Variants in PLXNA4 observed in about 807,000 individuals in gnomAD.
The protein encoded by PLXNA4 is plexin A4.
In PLXNA4, 44 loss-of-function variants were observed where a neutral mutation model predicts 191.8. The ratio of observed to expected loss-of-function variants is 0.23; its 90% CI spans 0.18 to 0.29. The LOEUF (loss-of-function observed/expected upper bound fraction) is 0.29. Among genes scored for constraint, PLXNA4 ranks in the 10% least tolerant of loss-of-function variants. The pLI, the probability that PLXNA4 is intolerant of heterozygous loss-of-function variation, is 1.00. For missense variants in PLXNA4, 1,800 were observed against 2,488.8 expected (o/e 0.72, Z 5.89); for synonymous variants, 1,082 against 1,009.5 (o/e 1.07, Z -1.36).
chr7:132,286,371 G>A (rs2116431128), intron 4 of PLXNA4, among the ~76,000 whole-genome samples: 1 of 152,294 alleles, frequency 6.6e-6, no homozygotes, highest in South Asian at 2.1e-4. Context: ...GATGATTATA[G>A]GTGGTTGTCT....
At chr7:132,619,271 T>A (rs1803214513) in intron 2 of PLXNA4, among the ~76,000 whole-genome samples, 1 of 152,214 alleles carries the variant, frequency 6.6e-6, no homozygotes, top group Non-Finnish European at 1.5e-5. Flanking sequence ...AAGAGATATT[T>A]TAAATTCCAC....
intron 3 of PLXNA4, among the ~76,000 whole-genome samples, chr7:132,483,917 C>T (rs1267913646): frequency 6.6e-6 from 1 of 151,786 alleles, no homozygotes; most frequent in Non-Finnish European, 1.5e-5. Flanking sequence ...AGAAATTTCA[C>T]GATGAGAACA....
rs1796811439 is a variant in PLXNA4, at chr7:132,468,889, CTG to C, written c.1371+20401_1371+20402del. ...AGCTCAATCTTATAAGTATAGAAGT[CTG>C]GGGTGAGCGTCTAGGAATTTCAACA... is the stretch of plus-strand genomic sequence containing the variant. On this transcript the variant is annotated intron_variant, in intron 3 of 31. Coordinates refer to ENST00000321063, the MANE Select transcript of PLXNA4 (RefSeq NM_020911.2). 2.0e-5 allele frequency among the ~76,000 whole-genome samples: 3 copies of C among 152,140 alleles called. No individual in the cohort carries two copies. The South Asian group carries it at 6.2e-4, about 32-fold the overall frequency.
At chr7:132,193,243 C>T (rs1263816426) in intron 14 of PLXNA4, among the ~76,000 whole-genome samples, 2 of 152,142 alleles carry the variant, frequency 1.3e-5, no homozygotes, top group Non-Finnish European at 2.9e-5. Flanking sequence ...AAGGCAGTTC[C>T]ACCCTCTCCC....
At chr7:132,554,878 G>T (rs893185198) in intron 1 of PLXNA4, among the ~76,000 whole-genome samples, 1 of 152,078 alleles carries the variant, frequency 6.6e-6, no homozygotes. Flanking sequence ...TTCTGACTTC[G>T]TTGCAGGCAA....
intron 15 of PLXNA4, among the ~76,000 whole-genome samples, chr7:132,186,247 C>T (rs1224892910): frequency 1.3e-5 from 2 of 152,226 alleles, no homozygotes; most frequent in Non-Finnish European, 2.9e-5. Context: ...TGGGGCTGCA[C>T]AGTAGGACCA....
chr7:132,356,482 C>T lies in PLXNA4; in HGVS notation c.1372-58260G>A, dbSNP rs1474069180. On this transcript the variant is annotated intron_variant, in intron 3 of 31. Coordinates refer to ENST00000321063, the MANE Select transcript of PLXNA4 (RefSeq NM_020911.2). ...CATGTTTTGAAGATTCCCATATTCT[C>T]ACTCCTGTGCTGAAAAAACAGCGCC... 2.0e-5 allele frequency among the ~76,000 whole-genome samples: 3 copies of T among 152,316 alleles called. No homozygotes were observed. In the East Asian group the frequency reaches 5.8e-4, roughly 29 times the overall value.
chr7:132,227,384 G>A (rs1010702589), intron 7 of PLXNA4, 67 bp downstream of exon 7: 26 of 1,599,098 alleles, frequency 1.6e-5, no homozygotes, highest in Non-Finnish European at 2.2e-5. Context: ...CCCCACATCT[G>A]TCCTGAGTTC....
intron 3 of PLXNA4, among the ~76,000 whole-genome samples, chr7:132,388,776 G>T (rs1423622790): frequency 2.0e-5 from 3 of 152,084 alleles, no homozygotes; most frequent in African/African-American, 7.3e-5. Flanking sequence ...AATTCAGGGT[G>T]GGATGAGCTC....
intron 5 of PLXNA4, among the ~76,000 whole-genome samples, chr7:132,240,040 G>A (rs116441160): frequency 0.01 from 1,549 of 152,286 alleles, 26 homozygotes; most frequent in African/African-American, 0.036. Context: ...GAGGGGAGAA[G>A]ACAAGATCCT....
At chr7:132,226,670 T>G (rs6467426) in intron 7 of PLXNA4, among the ~76,000 whole-genome samples, 67,661 of 152,060 alleles carry the variant, frequency 0.44, 15,711 homozygotes, top group East Asian at 0.69. Flanking sequence ...CATGAGCTCA[T>G]TCCCTGTCTC....
At chr7:132,556,622 T>C (rs1054516764) in intron 1 of PLXNA4, among the ~76,000 whole-genome samples, 3 of 152,240 alleles carry the variant, frequency 2.0e-5, no homozygotes, top group African/African-American at 7.2e-5. Flanking sequence ...TCCTGGGTCC[T>C]GGGTGCTCCC....
chr7:132,636,389 C>A (rs1363228155), intron 2 of PLXNA4, among the ~76,000 whole-genome samples: 1 of 152,178 alleles, frequency 6.6e-6, no homozygotes, highest in Non-Finnish European at 1.5e-5. Flanking sequence ...GTTGGGAGAT[C>A]CCCTGTAGTC....
At chr7:132,212,474 C>T (rs1797834816) in intron 9 of PLXNA4, among the ~76,000 whole-genome samples, 1 of 151,880 alleles carries the variant, frequency 6.6e-6, no homozygotes. Context: ...AACTCTAGTA[C>T]CCGTGAGCTG....
chr7:132,430,042 GA>G (rs1162419221), intron 3 of PLXNA4, among the ~76,000 whole-genome samples: 5 of 152,200 alleles, frequency 3.3e-5, no homozygotes, highest in East Asian at 1.9e-4. Flanking sequence ...TCTCTATGCA[GA>G]GGGTATTTGT....
chr7:132,581,828 C>A (rs1194323903), upstream of PLXNA4, among the ~76,000 whole-genome samples: 3 of 152,184 alleles, frequency 2.0e-5, no homozygotes, highest in African/African-American at 7.2e-5. Context: ...CTCCCCAGAC[C>A]CTTTCATCCA....
At chr7:132,237,797 C>T (rs76284117) in intron 5 of PLXNA4, among the ~76,000 whole-genome samples, 2,073 of 152,260 alleles carry the variant, frequency 0.014, 31 homozygotes, top group African/African-American at 0.04. Context: ...TTCTGACATA[C>T]GGAGTTATCG....
chr7:132,231,056 A>G (rs949565090), intron 5 of PLXNA4, among the ~76,000 whole-genome samples: 1 of 152,206 alleles, frequency 6.6e-6, no homozygotes, highest in Non-Finnish European at 1.5e-5. Context: ...CTGCTCCTGA[A>G]AGCCCCAAAG....
At chr7:132,182,289 A>G (rs1171345423) in intron 16 of PLXNA4, 99 bp from the exon 17 acceptor site, 1 of 1,524,566 alleles carries the variant, frequency 6.6e-7, no homozygotes, top group Non-Finnish European at 8.9e-7. Flanking sequence ...GGACAGTGAT[A>G]ACTAGGCAGC....
Sources: allele counts gnomAD v4.1 joint callset (sites outside exome capture counted in the v4.1 genomes callset), GRCh38; gene constraint gnomAD v4.1.1; transcripts MANE v1.5; gene names NCBI Gene and HGNC (gene_info 2026-07-23, HGNC 2026-07-21).